Variants in PNKD observed in about 807,000 individuals in gnomAD.
PNKD encodes probable thioesterase PNKD.
A neutral mutation model predicts 45.3 loss-of-function variants in PNKD; 36 were observed. That is an observed-to-expected ratio of 0.80 (90% CI 0.61 to 1.05). The LOEUF (loss-of-function observed/expected upper bound fraction) is 1.05, where lower values mean the gene tolerates loss of function less well. Ranked by LOEUF, PNKD falls within the 50% of genes least tolerant of loss-of-function variation. The pLI is 0.00. For synonymous variants in PNKD, 197 were observed against 210.1 expected (o/e 0.94, Z 0.54); for missense variants, 511 against 506.6 (o/e 1.01, Z -0.08).
In PNKD at chr2:218,300,551, C is replaced by CTTTTCT. The variant is rs796147287; in HGVS notation, c.236+29006_236+29007insCTTTTT. Among the ~76,000 whole-genome samples, 24 of 144,040 alleles carry CTTTTCT rather than the reference C, an allele frequency of 1.7e-4. No homozygotes were observed. In the East Asian group the frequency reaches 3.6e-3, roughly 22 times the overall value. The allele number at this position is 144,040 out of a possible 152,430, so 94.5% of individuals were successfully genotyped here. ...ACATTTTTTTCTTTTCTTTTCTTTT[C>CTTTTCT]TTTTTTTTTTTTGAGATGGAGTCTC... On this transcript the variant is annotated intron_variant, in intron 2 of 9. Coordinates refer to ENST00000273077, the MANE Select transcript of PNKD (RefSeq NM_015488.5).
chr2:218,282,653 C>T (rs1307438071), intron 2 of PNKD, among the ~76,000 whole-genome samples: 3 of 152,226 alleles, frequency 2.0e-5, no homozygotes, highest in African/African-American at 7.2e-5. Context: ...GGCCTGGAAG[C>T]CAGAGCTGGG....
chr2:218,300,580 C>G (rs1388182894), intron 2 of PNKD, among the ~76,000 whole-genome samples: 1 of 144,266 alleles, frequency 6.9e-6, no homozygotes, highest in African/African-American at 2.6e-5. Flanking sequence ...GAGTCTCGCT[C>G]TGTTGCCCAG....
intron 2 of PNKD, among the ~76,000 whole-genome samples, chr2:218,313,832 CTTGTTT>C: frequency 6.7e-6 from 1 of 150,098 alleles, no homozygotes; most frequent in Admixed American, 6.6e-5. Flanking sequence ...GGATTTTATT[CTTGTTT>C]TTAATATTGG....
intron 2 of PNKD, among the ~76,000 whole-genome samples, chr2:218,314,761 C>T (rs1464265699): frequency 1.3e-5 from 2 of 151,890 alleles, no homozygotes; most frequent in African/African-American, 4.8e-5. Flanking sequence ...GCGATCTCGG[C>T]TTACTGGAAC....
At chr2:218,291,583 A>C (rs1317765296) in intron 2 of PNKD, among the ~76,000 whole-genome samples, 2 of 152,142 alleles carry the variant, frequency 1.3e-5, no homozygotes, top group African/African-American at 2.4e-5. Context: ...TACCACGTAG[A>C]GGCCACAGAG....
chr2:218,291,238 C>T (rs1692908250), intron 2 of PNKD, among the ~76,000 whole-genome samples: 1 of 152,126 alleles, frequency 6.6e-6, no homozygotes, highest in African/African-American at 2.4e-5. Flanking sequence ...AGACAGGGCC[C>T]CTGACACTGT....
chr2:218,305,062 G>T (rs1465837972), intron 2 of PNKD, among the ~76,000 whole-genome samples: 9 of 151,710 alleles, frequency 5.9e-5, no homozygotes. Context: ...GACAGAGCAA[G>T]ACTCCATCTC....
intron 2 of PNKD, among the ~76,000 whole-genome samples, chr2:218,320,792 T>G (rs1346412220): frequency 2.0e-5 from 3 of 152,174 alleles, no homozygotes; most frequent in Non-Finnish European, 2.9e-5. Context: ...AGACAATACC[T>G]AAGTAGTTAA....
intron 2 of PNKD, chr2:218,281,792 GACAGAA>G (rs1462122830): frequency 2.7e-5 from 20 of 753,458 alleles, no homozygotes; most frequent in Non-Finnish European, 6.6e-6. Flanking sequence ...GGGTAACAAA[GACAGAA>G]ACAGAGGGAG....
At chr2:218,272,971 T>C in intron 2 of PNKD, 2 of 1,413,338 alleles carry the variant, frequency 1.4e-6, no homozygotes, top group Non-Finnish European at 1.9e-6. Flanking sequence ...TGTGAGTCCC[T>C]TGGGATGGGA....
At position 218,299,116 on chromosome 2, in the gene PNKD, A is replaced by AT. The variant is rs949675833; in HGVS notation, c.236+27570dup. On this transcript the variant is annotated intron_variant, in intron 2 of 9. Transcript: ENST00000273077. Reference sequence around the variant, plus strand: ...TACCACCTGTTCCTTTATTTTATTTATTTATTTTATTTTATTTTATTTATT... The same window carrying AT: ...TACCACCTGTTCCTTTATTTTATTTATTTTATTTTATTTTATTTTATTTATT... 3.3e-5 allele frequency among the ~76,000 whole-genome samples: 5 copies of AT among 151,748 alleles called. No individual in the cohort carries two copies. In the South Asian group the frequency reaches 6.2e-4, roughly 19 times the overall value.
intron 2 of PNKD, among the ~76,000 whole-genome samples, chr2:218,302,442 G>C (rs1022142663): frequency 1.3e-5 from 2 of 152,200 alleles, no homozygotes; most frequent in African/African-American, 4.8e-5. Flanking sequence ...GCCGTGGGGG[G>C]TGGTGGACAA....
intron 2 of PNKD, chr2:218,274,095 A>AGAGCGC: frequency 6.5e-6 from 1 of 154,882 alleles, no homozygotes. Context: ...AGTAAAGTGT[A>AGAGCGC]TTTGATTACC....
intron 2 of PNKD, among the ~76,000 whole-genome samples, chr2:218,276,299 A>G (rs570549201): frequency 6.6e-6 from 1 of 152,336 alleles, no homozygotes; most frequent in South Asian, 2.1e-4. Context: ...TATAAAACCA[A>G]TCTCCAAAGC....
In PNKD at chr2:218,311,936, G is replaced by T. The variant is rs964749569; in HGVS notation, c.237-27847G>T. On this transcript the variant is annotated intron_variant, in intron 2 of 9. Transcript: ENST00000273077. ...CAGAGGTCGGTCCCTGCGGCTTTCC[G>T]CAGTGCATTGTGTCCCTGGGTAATC... Among the ~76,000 whole-genome samples, 32 of 152,186 alleles carry T rather than the reference G, an allele frequency of 2.1e-4. 1 individual carries two copies. Among genetic ancestry groups the T allele is most frequent in the Admixed American group, 2.0e-3 (30 of 15,280 alleles).
At chr2:218,341,362 C>T (rs1276822085) in intron 5 of PNKD, among the ~76,000 whole-genome samples, 172 bp from the exon 6 acceptor site, 3 of 152,100 alleles carry the variant, frequency 2.0e-5, no homozygotes, top group African/African-American at 7.2e-5. Context: ...TTGTTGGGGG[C>T]GATGTTCTGG....
chr2:218,272,690 TGA>T (rs770222818), intron 2 of PNKD: 41 of 1,614,042 alleles, frequency 2.5e-5, no homozygotes, highest in Non-Finnish European at 3.5e-5. Context: ...CGGGCGAGTA[TGA>T]GAGCCAGAGG....
intron 2 of PNKD, among the ~76,000 whole-genome samples, chr2:218,328,925 G>C (rs1410312670): frequency 6.6e-6 from 1 of 152,132 alleles, no homozygotes. Flanking sequence ...AGGGGCCTTG[G>C]GGCCGGGCAC....
intron 2 of PNKD, among the ~76,000 whole-genome samples, chr2:218,300,243 T>G (rs565878222): frequency 6.6e-6 from 1 of 152,328 alleles, no homozygotes; most frequent in East Asian, 1.9e-4. Context: ...CTGATCTCGC[T>G]TTAAGTTCAT....
Sources: gnomAD v4.1 joint callset for allele counts (sites outside exome capture counted in the v4.1 genomes callset) on GRCh38, gnomAD v4.1.1 for gene constraint, MANE v1.5 for transcripts, NCBI Gene and HGNC (gene_info 2026-07-23, HGNC 2026-07-21) for gene names.